PHIP: variants seen among roughly 807,000 people sequenced by gnomAD.
PHIP encodes PHIP subunit of CUL4-Ring ligase complex.
Under a neutral mutation model 236.8 loss-of-function variants are expected in PHIP, and 54 were observed. That is an observed-to-expected ratio of 0.23 (90% confidence interval 0.18 to 0.29). PHIP has a LOEUF of 0.29. Ranked by LOEUF, PHIP falls within the 10% of genes least tolerant of loss-of-function variation. The pLI is 1.00. For synonymous variants in PHIP, 756 were observed against 718.9 expected, an observed-to-expected ratio of 1.05 and a Z score of -0.83; for missense variants, 1,370 against 2,190.8, an observed-to-expected ratio of 0.63 and a Z score of 7.48.
intron 24 of PHIP, among the ~76,000 whole-genome samples, chr6:78,975,448 C>A (rs1224084963): frequency 6.6e-6 from 1 of 152,170 alleles, no homozygotes; most frequent in Admixed American, 6.5e-5. Context: ...GAAGCATTCC[C>A]TTTGAAAACT....
intron 15 of PHIP, 129 bp from the exon 16 acceptor site, chr6:79,003,987 G>T: frequency 3.7e-6 from 2 of 534,994 alleles, no homozygotes; most frequent in Non-Finnish European, 6.3e-6. Flanking sequence ...AACAAGCATT[G>T]TACAGTAATA....
chr6:78,995,070 G>A (rs75519110), intron 19 of PHIP, among the ~76,000 whole-genome samples: 57 of 152,206 alleles, frequency 3.7e-4, no homozygotes, highest in African/African-American at 1.3e-3. Context: ...ACCTAAATCT[G>A]TTCTCCATTC....
At chr6:79,018,330 AATGAAC>A (rs1770935647) in intron 10 of PHIP, among the ~76,000 whole-genome samples, 1 of 151,910 alleles carries the variant, frequency 6.6e-6, no homozygotes, top group African/African-American at 2.4e-5. Context: ...GAAGTTAGAA[AATGAAC>A]ATGTTTGGAT....
chr6:79,025,843 G>C, intron 8 of PHIP, 100 bp downstream of exon 8: 1 of 904,556 alleles, frequency 1.1e-6, no homozygotes, highest in Non-Finnish European at 1.7e-6. Flanking sequence ...GATTATAAAA[G>C]TAACTTCTTA....
intron 15 of PHIP, among the ~76,000 whole-genome samples, chr6:79,012,826 G>C (rs999274214): frequency 3.3e-5 from 5 of 151,558 alleles, no homozygotes; most frequent in African/African-American, 1.2e-4. Flanking sequence ...GAACAAAAGA[G>C]TGAAGAGCAA....
At chr6:78,942,951 AG>A (rs1420097929) in intron 39 of PHIP, among the ~76,000 whole-genome samples, 2 of 152,234 alleles carry the variant, frequency 1.3e-5, no homozygotes, top group Non-Finnish European at 2.9e-5. Flanking sequence ...TTTTTAAAAA[AG>A]TTTAAAAACC....
At chr6:79,018,797 A>T (rs1181308085) in intron 10 of PHIP, among the ~76,000 whole-genome samples, 1 of 152,020 alleles carries the variant, frequency 6.6e-6, no homozygotes, top group Non-Finnish European at 1.5e-5. Flanking sequence ...ACAACTATTT[A>T]AACATTCATT....
chr6:78,945,271 T>C, intron 39 of PHIP, 29 bp downstream of exon 39: 1 of 1,446,250 alleles, frequency 6.9e-7, no homozygotes, highest in Non-Finnish European at 9.7e-7. Flanking sequence ...GGATCTACTG[T>C]ATCTTGAAAG....
At chr6:79,030,635 T>C (rs1562193125) in intron 7 of PHIP, among the ~76,000 whole-genome samples, 1 of 152,116 alleles carries the variant, frequency 6.6e-6, no homozygotes. Context: ...CCTGCTAATG[T>C]TTATGTGAGT....
Position 78,935,880 on chromosome 6 carries a change from C to G in PHIP, c.*4813G>C, listed in dbSNP as rs1773255080. 3.0e-6 allele frequency: 1 copy of G among 330,342 alleles called. No homozygotes were observed. The highest frequency in any genetic ancestry group is 4.3e-6 in the Non-Finnish European group (1 of 231,622). 20.5% of individuals were successfully genotyped at this position (330,342 alleles called of 1,614,324 possible). A position where few individuals can be genotyped will look rare whatever the true frequency, so the allele number is the denominator to read the frequency against. Reference sequence around the variant, plus strand: ...GGCTCTACAAAATAGCTTAGAAAAACAAGTTTTCTATTTATTTAAAAATAA... The same window carrying G: ...GGCTCTACAAAATAGCTTAGAAAAAGAAGTTTTCTATTTATTTAAAAATAA... On this transcript the variant is annotated 3_prime_UTR_variant, in exon 40 of 40. Coordinates refer to ENST00000275034, the MANE Select transcript of PHIP (RefSeq NM_017934.7).
At chr6:78,987,262 C>T (rs1768926039) in intron 21 of PHIP, among the ~76,000 whole-genome samples, 1 of 151,946 alleles carries the variant, frequency 6.6e-6, no homozygotes, top group South Asian at 2.1e-4. Context: ...AATAAAGAGA[C>T]ATTTTATAAG....
At chr6:78,954,138 G>A (rs951169073) in intron 35 of PHIP, among the ~76,000 whole-genome samples, 1 of 152,090 alleles carries the variant, frequency 6.6e-6, no homozygotes, top group Admixed American at 6.5e-5. Context: ...CTCTTGCTCT[G>A]TCGCCCAGGC....
intron 7 of PHIP, among the ~76,000 whole-genome samples, chr6:79,029,166 G>C (rs1053912974): frequency 6.6e-6 from 1 of 152,048 alleles, no homozygotes; most frequent in African/African-American, 2.4e-5. Context: ...AATTGCCAGA[G>C]AGAGAAATTT....
chr6:79,034,171 C>T (rs987100383), intron 7 of PHIP, among the ~76,000 whole-genome samples: 5 of 152,116 alleles, frequency 3.3e-5, no homozygotes, highest in African/African-American at 1.2e-4. Context: ...AAAAATGATG[C>T]TGACAGACTT....
rs763806236 is a variant in PHIP at position 78,988,286 on chromosome 6, T to G, written c.2383A>C (p.Asn795His). 3 of 1,607,374 alleles carry G rather than the reference T, an allele frequency of 1.9e-6. No individual in the cohort carries two copies. Among genetic ancestry groups the G allele is most frequent in the Non-Finnish European group, 2.6e-6 (3 of 1,174,936 alleles). The change falls in exon 21 of 40, where the codon AAT becomes CAT. Residue 795 changes from asparagine (N) to histidine (H), a missense_variant. Physicochemically the swap from Asn to His is moderately conservative, Grantham distance 68 (BLOSUM62 1). Coordinates refer to ENST00000275034, the MANE Select transcript of PHIP (RefSeq NM_017934.7). ...TCCAATGCAGATCTTGTACGATAAT[T>G]GTGTTGATTTGTCTGTTGCTTTTTG... The part of the protein sequence containing the change: ...ESKKQQTNQH[N>H]YRTRSALEET...
At position 79,056,556 on chromosome 6, in the gene PHIP, AAT is replaced by A. The variant is rs1773084840; in HGVS notation, c.439+3920_439+3921del. The stretch of plus-strand genomic sequence containing the variant: ...TAATTTTGCCCAGGAGATATTTGGC[AAT>A]GTCTGGAGACTTTTTAAATTGTGAC... On this transcript the variant is annotated intron_variant, in intron 6 of 39. Transcript: ENST00000275034. Among the ~76,000 whole-genome samples the A allele has an allele frequency of 1.3e-5, 2 of 152,140 alleles. 1 individual carries two copies. The highest frequency in any genetic ancestry group is 4.1e-4 in the South Asian group (2 of 4,828).
At chr6:79,012,721 C>A (rs1770652843) in intron 15 of PHIP, among the ~76,000 whole-genome samples, 1 of 151,666 alleles carries the variant, frequency 6.6e-6, no homozygotes, top group Non-Finnish European at 1.5e-5. Context: ...AGTGAGAACG[C>A]AGGCCCTCCC....
chr6:79,039,119 A>G (rs1772083442), intron 7 of PHIP, among the ~76,000 whole-genome samples: 1 of 152,152 alleles, frequency 6.6e-6, no homozygotes, highest in African/African-American at 2.4e-5. Context: ...CAATAATGCA[A>G]AAGGGTTCAA....
At chr6:79,076,424 C>G (rs1774163509) in intron 4 of PHIP, among the ~76,000 whole-genome samples, 1 of 152,180 alleles carries the variant, frequency 6.6e-6, no homozygotes, top group Non-Finnish European at 1.5e-5. Flanking sequence ...ACTGCTTTAA[C>G]TGCCCCACAC....
Sources: gnomAD v4.1 joint callset for allele counts (sites outside exome capture counted in the v4.1 genomes callset) on GRCh38, gnomAD v4.1.1 for gene constraint, MANE v1.5 for transcripts, NCBI Gene and HGNC (gene_info 2026-07-23, HGNC 2026-07-21) for gene names.